Variants in WDFY4 observed in about 807,000 individuals in gnomAD.
WDFY4 encodes WD repeat- and FYVE domain-containing protein 4.
A neutral mutation model predicts 351.9 loss-of-function variants in WDFY4; 169 were observed. That is an observed-to-expected ratio of 0.48 (90% CI 0.42 to 0.55). The LOEUF is 0.55. WDFY4 is among the 20% of genes least tolerant of loss of function. The pLI is 0.00. For synonymous variants in WDFY4, 1,622 were observed against 1,574.6 expected (o/e 1.03, Z -0.71); for missense variants, 3,803 against 3,935.6 (o/e 0.97, Z 0.90).
chr10:48,828,923 T>C, intron 37 of WDFY4, 27 bp downstream of exon 37: 1 of 4,756 alleles, frequency 2.1e-4, no homozygotes, highest in Non-Finnish European at 4.9e-4. Context: ...ATTGTGTGTG[T>C]GGGCGGGGGG....
chr10:48,970,416 A>G (rs1842288275), intron 57 of WDFY4, 127 bp downstream of exon 57: 10 of 1,311,396 alleles, frequency 7.6e-6, no homozygotes, highest in Non-Finnish European at 1.0e-5. Flanking sequence ...CTGCTCACTG[A>G]GGGCCCTGCC....
intron 1 of WDFY4, among the ~76,000 whole-genome samples, chr10:48,699,275 G>GT (rs2132133627): frequency 6.6e-6 from 1 of 152,346 alleles, no homozygotes; most frequent in African/African-American, 2.4e-5. Context: ...CACACTCAGT[G>GT]TTCAGAGCTT....
At chr10:48,826,198 T>C (rs76089827) in intron 35 of WDFY4, among the ~76,000 whole-genome samples, 1 of 152,162 alleles carries the variant, frequency 6.6e-6, no homozygotes, top group Non-Finnish European at 1.5e-5. Flanking sequence ...CCCAGCACCA[T>C]TTATTAAATA....
chr10:48,919,861 C>A (rs1456362977), intron 47 of WDFY4, among the ~76,000 whole-genome samples: 1 of 132,624 alleles, frequency 7.5e-6, no homozygotes, highest in Non-Finnish European at 1.7e-5. Flanking sequence ...TTGATATGAT[C>A]TCTTTCAAAA....
intron 39 of WDFY4, among the ~76,000 whole-genome samples, chr10:48,852,704 A>G (rs1176782752): frequency 6.6e-6 from 1 of 152,138 alleles, no homozygotes; most frequent in Non-Finnish European, 1.5e-5. Context: ...ATCTGCAGCC[A>G]TCTTCAAGCC....
At chr10:48,938,780 A>G (rs1197215089) in intron 47 of WDFY4, among the ~76,000 whole-genome samples, 1 of 152,190 alleles carries the variant, frequency 6.6e-6, no homozygotes, top group Non-Finnish European at 1.5e-5. Flanking sequence ...ACCCCTGAAA[A>G]TAAGGAAGAA....
intron 2 of WDFY4, among the ~76,000 whole-genome samples, chr10:48,718,220 CT>C (rs1229107630): frequency 3.3e-5 from 5 of 151,914 alleles, no homozygotes. Flanking sequence ...AAGTTGTTTG[CT>C]TTTTTCTCGT....
chr10:48,827,520 GTC>G (rs977292939), intron 36 of WDFY4, among the ~76,000 whole-genome samples: 5 of 145,448 alleles, frequency 3.4e-5, no homozygotes, highest in Admixed American at 1.4e-4. Flanking sequence ...TTCACTTTCT[GTC>G]TCTCTCTCTC....
chr10:48,979,267 C>T (rs1405384240), intron 60 of WDFY4, among the ~76,000 whole-genome samples: 2 of 152,202 alleles, frequency 1.3e-5, no homozygotes, highest in East Asian at 3.8e-4. Flanking sequence ...CAGCCTATCT[C>T]AGTGTGAAAG....
intron 25 of WDFY4, chr10:48,804,608 C>T (rs2067194126): frequency 2.0e-6 from 1 of 494,118 alleles, no homozygotes; most frequent in Non-Finnish European, 2.6e-6. Context: ...GGAATCTGCC[C>T]AAAGTCACCC....
intron 47 of WDFY4, among the ~76,000 whole-genome samples, chr10:48,907,488 G>A (rs183031254): frequency 4.4e-4 from 67 of 152,272 alleles, no homozygotes; most frequent in Non-Finnish European, 8.8e-5. Flanking sequence ...TTTTGGGGGT[G>A]CAAAGATTTA....
At chr10:48,876,669 T>C (rs902731378) in intron 42 of WDFY4, among the ~76,000 whole-genome samples, 3 of 152,198 alleles carry the variant, frequency 2.0e-5, no homozygotes, top group African/African-American at 7.2e-5. Flanking sequence ...AAAGAGTGAA[T>C]GAAGTGAAAT....
intron 47 of WDFY4, among the ~76,000 whole-genome samples, chr10:48,918,766 AG>A: frequency 6.6e-6 from 1 of 152,318 alleles, no homozygotes; most frequent in African/African-American, 2.4e-5. Flanking sequence ...GGATGGTGAC[AG>A]GGCTTGGGGG....
chr10:48,694,357 A>G (rs4012685), intron 1 of WDFY4, among the ~76,000 whole-genome samples: 103,775 of 151,408 alleles, frequency 0.69, 36,018 homozygotes, highest in Middle Eastern at 0.8. Context: ...CTGTGGCTTT[A>G]TTTCTTTCTC....
At chr10:48,981,601 C>A in intron 61 of WDFY4, 123 bp downstream of exon 61, 3 of 821,780 alleles carry the variant, frequency 3.7e-6, no homozygotes, top group Non-Finnish European at 5.7e-6. Context: ...CAGGACATGG[C>A]CCCACCAAGC....
intron 47 of WDFY4, among the ~76,000 whole-genome samples, chr10:48,906,938 A>ATT (rs146341357): frequency 1.3e-4 from 19 of 148,306 alleles, no homozygotes; most frequent in African/African-American, 3.5e-4. Context: ...GGCTTTTGCG[A>ATT]TTTTTTTTTT....
rs1589653882 is a variant in WDFY4 at position 48,805,376 on chromosome 10, T to A, written c.4601T>A (p.Leu1534Gln). 1 of 1,549,696 alleles carries A rather than the reference T, an allele frequency of 6.5e-7. No homozygotes were observed. ...PSKISTIIGI[L>Q]ACQLRGHFST... ...AAGATCTCCACCATCATTGGCATCC[T>A]GGCCTGTCAGCTGAGGGGCCACTTC... The change falls in exon 26 of 62, where the codon CTG becomes CAG. Residue 1534 changes from leucine (L) to glutamine (Q), a missense_variant. Leu to Gln is a moderately radical substitution (Grantham distance 113, BLOSUM62 -2). Around this residue, in one of 3 missense-constraint regions of WDFY4, gnomAD observed 3,054 missense variants for 3,148.6 expected, o/e 0.97. Transcript: ENST00000325239.
intron 31 of WDFY4, 74 bp from the exon 32 acceptor site, chr10:48,817,171 A>G (rs1303807791): frequency 4.0e-6 from 6 of 1,492,320 alleles, no homozygotes; most frequent in Non-Finnish European, 5.4e-6. Flanking sequence ...TTCTCCCTAG[A>G]CCTCAGCTCC....
intron 39 of WDFY4, among the ~76,000 whole-genome samples, chr10:48,840,120 T>C (rs1306039468): frequency 6.6e-6 from 1 of 152,208 alleles, no homozygotes; most frequent in Non-Finnish European, 1.5e-5. Flanking sequence ...TAATGAAGTC[T>C]AGTGTTATTT....
Sources: allele counts gnomAD v4.1 joint callset (sites outside exome capture counted in the v4.1 genomes callset), GRCh38; gene constraint gnomAD v4.1.1; regional missense constraint gnomAD v4.1.1; transcripts MANE v1.5; gene names NCBI Gene and HGNC (gene_info 2026-07-23, HGNC 2026-07-21).